The following DHRS9 variants were observed in gnomAD, a reference collection of about 807,000 sequenced individuals.
DHRS9 encodes dehydrogenase/reductase SDR family member 9.
DHRS9 carries 18 observed loss-of-function variants against 26.6 expected under a neutral mutation model. The ratio of observed to expected loss-of-function variants is 0.68; its 90% CI spans 0.47 to 1.00. The LOEUF (loss-of-function observed/expected upper bound fraction) is 1.00, where lower values mean the gene tolerates loss of function less well. DHRS9 is among the 50% of genes least tolerant of loss of function. The probability of loss-of-function intolerance (pLI) is 0.00; values close to 1 mark genes in which losing one functional copy is unlikely to be tolerated. For synonymous variants in DHRS9, 134 were observed against 141.1 expected, an observed-to-expected ratio of 0.95 and a Z score of 0.36; for missense variants, 425 against 378.7, an observed-to-expected ratio of 1.12 and a Z score of -1.01.
At chr2:169,073,134 C>G (rs546087608) in intron 1 of DHRS9, among the ~76,000 whole-genome samples, 1 of 152,246 alleles carries the variant, frequency 6.6e-6, no homozygotes, top group South Asian at 2.1e-4. Context: ...TGCTGTACAA[C>G]ATTTACTAAA....
At chr2:169,089,322 AC>A (rs1343116178) in intron 3 of DHRS9, among the ~76,000 whole-genome samples, 2 of 151,978 alleles carry the variant, frequency 1.3e-5, no homozygotes, top group Middle Eastern at 3.2e-3. Flanking sequence ...GAGGATAACT[AC>A]TCTGACCCCC....
chr2:169,083,884 A>G (rs1684272254), intron 3 of DHRS9, among the ~76,000 whole-genome samples: 1 of 152,134 alleles, frequency 6.6e-6, no homozygotes, highest in African/African-American at 2.4e-5. Context: ...ATCTGTGATA[A>G]ATTGTTGACT....
chr2:169,079,038 G>A (rs1684060291), intron 1 of DHRS9, among the ~76,000 whole-genome samples: 1 of 151,632 alleles, frequency 6.6e-6, no homozygotes, highest in South Asian at 2.1e-4. Context: ...TAGTAGAGAT[G>A]GGGTTTCACT....
chr2:169,071,834 T>G (rs1683813935), intron 1 of DHRS9, among the ~76,000 whole-genome samples: 1 of 152,206 alleles, frequency 6.6e-6, no homozygotes, highest in East Asian at 1.9e-4. Flanking sequence ...CGTTGCTTAA[T>G]GCAAGCACAT....
chr2:169,093,588 C>A (rs1396261469), intron 4 of DHRS9, among the ~76,000 whole-genome samples: 2 of 152,110 alleles, frequency 1.3e-5, no homozygotes, highest in East Asian at 3.9e-4. Context: ...GATATTGATA[C>A]CGATACTTTT....
chr2:169,090,714 T>C (rs553626969), intron 3 of DHRS9, among the ~76,000 whole-genome samples: 2 of 152,362 alleles, frequency 1.3e-5, no homozygotes, highest in East Asian at 3.9e-4. Flanking sequence ...ATTCATATAC[T>C]GGTTTGCTGT....
chr2:169,083,676 C>G, intron 3 of DHRS9, 89 bp downstream of exon 3: 10 of 1,445,932 alleles, frequency 6.9e-6, no homozygotes, highest in Non-Finnish European at 9.3e-6. Context: ...TAGTACCTTT[C>G]AAAAAGTCTA....
intron 4 of DHRS9, among the ~76,000 whole-genome samples, chr2:169,092,798 A>G (rs1684571911): frequency 6.6e-6 from 1 of 152,178 alleles, no homozygotes; most frequent in South Asian, 2.1e-4. Flanking sequence ...CAAATAGTAA[A>G]TATTTACTAT....
chr2:169,095,760 C>CA lies in DHRS9; in HGVS notation c.954dup (p.Val319SerfsTer14), dbSNP rs1274568094. The CA allele has an allele frequency of 6.2e-7, 1 of 1,613,290 alleles. No individual in the cohort carries two copies. Among genetic ancestry groups the CA allele is most frequent in the Non-Finnish European group, 8.5e-7 (1 of 1,179,734 alleles). On this transcript the variant is annotated frameshift_variant, in exon 5 of 5. Coordinates refer to ENST00000674881, the MANE Select transcript of DHRS9 (RefSeq NM_001376924.1). LOFTEE classifies it high-confidence loss of function. ...AAAGCAGAGCTGGCTAATCCCAAGG[C>CA]AGTGTGACTCAGCTAACCACAAATG...
chr2:169,081,481 G>A, intron 1 of DHRS9, 42 bp from the exon 2 acceptor site: 2 of 1,508,816 alleles, frequency 1.3e-6, no homozygotes, highest in South Asian at 1.4e-5. Context: ...TAATGCCTTG[G>A]TAGTTCTAAT....
At chr2:169,089,606 T>C (rs1684457651) in intron 3 of DHRS9, among the ~76,000 whole-genome samples, 1 of 152,254 alleles carries the variant, frequency 6.6e-6, no homozygotes, top group African/African-American at 2.4e-5. Context: ...ATTTATACCA[T>C]GGACCTAGGT....
At chr2:169,088,872 G>C (rs764001020) in intron 3 of DHRS9, among the ~76,000 whole-genome samples, 5 of 152,334 alleles carry the variant, frequency 3.3e-5, no homozygotes, top group Admixed American at 6.5e-5. Context: ...AGACACAACA[G>C]TACCACCCTA....
In DHRS9 at chr2:169,070,830, C is replaced by T. The variant is rs578118848; in HGVS notation, c.-60+1113C>T. On this transcript the variant is annotated intron_variant, in intron 1 of 4. Coordinates refer to ENST00000674881, the MANE Select transcript of DHRS9 (RefSeq NM_001376924.1). Reference sequence around the variant, plus strand: ...CTGTAATCCCAGCACTTTGGGAGGCCGAGGCCGGCGGATCACAAGGTCAGG... The same window carrying T: ...CTGTAATCCCAGCACTTTGGGAGGCTGAGGCCGGCGGATCACAAGGTCAGG... The T allele has an allele frequency of 1.2e-4, 92 of 773,346 alleles. No homozygotes were observed. The African/African-American group carries it at 1.4e-3, about 11-fold the overall frequency. The allele number at this position is 773,346 out of a possible 1,614,324, so 47.9% of individuals were successfully genotyped here.
At chr2:169,089,063 A>G (rs1359091922) in intron 3 of DHRS9, among the ~76,000 whole-genome samples, 1 of 152,226 alleles carries the variant, frequency 6.6e-6, no homozygotes, top group Non-Finnish European at 1.5e-5. Flanking sequence ...CTTTCAGTCA[A>G]GATTCTGGCA....
intron 2 of DHRS9, 47 bp downstream of exon 2, chr2:169,081,941 G>A: frequency 1.3e-6 from 2 of 1,520,556 alleles, no homozygotes; most frequent in South Asian, 2.6e-5. Flanking sequence ...TAGGGGATAG[G>A]GAGGTAACCA....
intron 4 of DHRS9, among the ~76,000 whole-genome samples, chr2:169,093,767 T>G (rs987887038): frequency 6.6e-6 from 1 of 152,136 alleles, no homozygotes; most frequent in Non-Finnish European, 1.5e-5. Context: ...AAAGTCACGG[T>G]CCCAAAGTAG....
chr2:169,079,277 A>G (rs894613909), intron 1 of DHRS9, among the ~76,000 whole-genome samples: 1 of 152,040 alleles, frequency 6.6e-6, no homozygotes, highest in Admixed American at 6.6e-5. Context: ...TTAATCTGAA[A>G]TAGTCTGTTT....
chr2:169,093,813 A>C (rs1207071987), intron 4 of DHRS9, among the ~76,000 whole-genome samples: 1 of 152,156 alleles, frequency 6.6e-6, no homozygotes, highest in Admixed American at 6.6e-5. Flanking sequence ...TTAATTTCCC[A>C]AGCTGGGATA....
chr2:169,090,994 T>C (rs748300298), intron 3 of DHRS9, among the ~76,000 whole-genome samples: 1 of 152,160 alleles, frequency 6.6e-6, no homozygotes, highest in African/African-American at 2.4e-5. Context: ...AATGTAAGTG[T>C]CCTGAGGACG....
Sources: gnomAD v4.1 joint callset for allele counts (sites outside exome capture counted in the v4.1 genomes callset) on GRCh38, gnomAD v4.1.1 for gene constraint, MANE v1.5 for transcripts, NCBI Gene and HGNC (gene_info 2026-07-23, HGNC 2026-07-21) for gene names.